Variants in CACNA2D3 observed in about 807,000 individuals in gnomAD.
CACNA2D3 encodes voltage-dependent calcium channel subunit alpha-2/delta-3.
Under a neutral mutation model 160.6 loss-of-function variants are expected in CACNA2D3, and 60 were observed. That is an observed-to-expected ratio of 0.37 (90% CI 0.30 to 0.46). The LOEUF (loss-of-function observed/expected upper bound fraction) is 0.46, where lower values mean the gene tolerates loss of function less well. Ranked by LOEUF, CACNA2D3 falls within the 20% of genes least tolerant of loss-of-function variation. The pLI is 1.00. For synonymous variants in CACNA2D3, 558 were observed against 492.9 expected (o/e 1.13, Z -1.75); for missense variants, 1,205 against 1,365.0 (o/e 0.88, Z 1.85).
chr3:54,154,170 A>G (rs1286697389), intron 2 of CACNA2D3, among the ~76,000 whole-genome samples: 1 of 152,206 alleles, frequency 6.6e-6, no homozygotes, highest in Admixed American at 6.5e-5. Context: ...ATTTTCTTTC[A>G]TTCAAACTCA....
chr3:54,718,515 C>G (rs547688178), intron 11 of CACNA2D3, among the ~76,000 whole-genome samples: 1 of 148,558 alleles, frequency 6.7e-6, no homozygotes, highest in Non-Finnish European at 1.5e-5. Context: ...TTTTTTTTTT[C>G]TTAGATCCTC....
chr3:54,258,951 A>C (rs79090663), intron 2 of CACNA2D3, among the ~76,000 whole-genome samples: 8 of 152,134 alleles, frequency 5.3e-5, no homozygotes, highest in Non-Finnish European at 1.2e-4. Context: ...TGTCTCTGCC[A>C]TACTGGACTG....
chr3:54,509,144 A>G (rs902187401), intron 5 of CACNA2D3, among the ~76,000 whole-genome samples: 1 of 152,212 alleles, frequency 6.6e-6, no homozygotes, highest in East Asian at 1.9e-4. Flanking sequence ...TTTAATCCAT[A>G]TGTTTCTGAT....
chr3:54,869,643 G>A (rs892314363), intron 17 of CACNA2D3, among the ~76,000 whole-genome samples: 2 of 152,182 alleles, frequency 1.3e-5, no homozygotes, highest in Admixed American at 6.5e-5. Context: ...ATAGTTCTCA[G>A]TAATGGTTCT....
At chr3:54,371,018 C>T (rs987580268) in intron 3 of CACNA2D3, among the ~76,000 whole-genome samples, 2 of 152,104 alleles carry the variant, frequency 1.3e-5, no homozygotes, top group Non-Finnish European at 2.9e-5. Flanking sequence ...CTGAGCCTAC[C>T]GTTTTCAAGA....
At chr3:54,477,530 GA>G (rs1700851090) in intron 4 of CACNA2D3, among the ~76,000 whole-genome samples, 1 of 152,046 alleles carries the variant, frequency 6.6e-6, no homozygotes, top group African/African-American at 2.4e-5. Flanking sequence ...GAGCATCTTT[GA>G]CTTGCCATCT....
intron 17 of CACNA2D3, among the ~76,000 whole-genome samples, chr3:54,849,536 G>C (rs1311611940): frequency 6.6e-6 from 1 of 152,178 alleles, no homozygotes; most frequent in African/African-American, 2.4e-5. Flanking sequence ...GAAATCCAGT[G>C]TCTTCATGGA....
chr3:54,387,550 A>G (rs1283991853), intron 4 of CACNA2D3, among the ~76,000 whole-genome samples: 2 of 152,148 alleles, frequency 1.3e-5, no homozygotes, highest in East Asian at 1.9e-4. Context: ...TACTTGGGAA[A>G]CTGAGGCAGG....
At chr3:54,766,000 A>G (rs1021849316) in intron 13 of CACNA2D3, among the ~76,000 whole-genome samples, 5 of 152,152 alleles carry the variant, frequency 3.3e-5, no homozygotes, top group African/African-American at 1.2e-4. Context: ...TAAAAAATGA[A>G]ACCATTACAA....
intron 11 of CACNA2D3, among the ~76,000 whole-genome samples, chr3:54,749,136 T>C (rs915441562): frequency 6.6e-5 from 10 of 152,218 alleles, no homozygotes; most frequent in Admixed American, 5.2e-4. Context: ...ATTAAAGCAA[T>C]GCTAGTTTGT....
At chr3:54,535,595 C>T (rs939158238) in intron 5 of CACNA2D3, among the ~76,000 whole-genome samples, 3 of 152,092 alleles carry the variant, frequency 2.0e-5, no homozygotes, top group Non-Finnish European at 4.4e-5. Flanking sequence ...GCTATTATAT[C>T]CTTCATTGAT....
intron 27 of CACNA2D3, among the ~76,000 whole-genome samples, chr3:54,966,572 A>C (rs191572498): frequency 6.6e-6 from 1 of 152,266 alleles, no homozygotes; most frequent in Non-Finnish European, 1.5e-5. Context: ...TAATCCCAGC[A>C]CTTTGGGAGG....
At chr3:54,582,115 C>T (rs2106740230) in intron 9 of CACNA2D3, among the ~76,000 whole-genome samples, 1 of 152,288 alleles carries the variant, frequency 6.6e-6, no homozygotes, top group African/African-American at 2.4e-5. Context: ...TCCTTGTGCT[C>T]TAATAAACAC....
At chr3:54,189,123 A>G (rs931930785) in intron 2 of CACNA2D3, among the ~76,000 whole-genome samples, 1 of 152,232 alleles carries the variant, frequency 6.6e-6, no homozygotes. Flanking sequence ...TATTGAAGCA[A>G]TTCTTGGACT....
chr3:54,974,546 A>G (rs1270338641), intron 29 of CACNA2D3, among the ~76,000 whole-genome samples: 1 of 152,168 alleles, frequency 6.6e-6, no homozygotes, highest in Non-Finnish European at 1.5e-5. Flanking sequence ...GTGACTGCCC[A>G]ATTCCCATGG....
At chr3:54,782,621 T>A (rs144629306) in intron 13 of CACNA2D3, among the ~76,000 whole-genome samples, 9 of 152,154 alleles carry the variant, frequency 5.9e-5, no homozygotes, top group Non-Finnish European at 1.0e-4. Flanking sequence ...TCATCTTCAC[T>A]CTTTGCGGTC....
At chr3:54,454,436 C>G (rs1291131191) in intron 4 of CACNA2D3, among the ~76,000 whole-genome samples, 1 of 152,124 alleles carries the variant, frequency 6.6e-6, no homozygotes, top group Non-Finnish European at 1.5e-5. Context: ...ATTATTATAA[C>G]TTTGCATATG....
chr3:54,822,736 TTC>T (rs1368816756), intron 14 of CACNA2D3, among the ~76,000 whole-genome samples: 1 of 45,508 alleles, frequency 2.2e-5, no homozygotes, highest in Non-Finnish European at 4.0e-5. Context: ...TTTATTTTCT[TTC>T]TTTCTTTCTT....
At chr3:54,949,970 C>T (rs1701715921) in intron 27 of CACNA2D3, among the ~76,000 whole-genome samples, 1 of 152,206 alleles carries the variant, frequency 6.6e-6, no homozygotes, top group African/African-American at 2.4e-5. Flanking sequence ...ATCAGGCATG[C>T]AGAGTCTCTA....
Sources: allele counts gnomAD v4.1 joint callset (sites outside exome capture counted in the v4.1 genomes callset), GRCh38; gene constraint gnomAD v4.1.1; transcripts MANE v1.5; gene names NCBI Gene and HGNC (gene_info 2026-07-23, HGNC 2026-07-21).